Variants in KCTD1 observed in about 807,000 individuals in gnomAD.
KCTD1 encodes BTB/POZ domain-containing protein KCTD1.
A neutral mutation model predicts 66.0 loss-of-function variants in KCTD1; 24 were observed. The ratio of observed to expected loss-of-function variants is 0.36; its 90% CI spans 0.26 to 0.51. The LOEUF (loss-of-function observed/expected upper bound fraction) is 0.51, where lower values mean the gene tolerates loss of function less well. Ranked by LOEUF, KCTD1 falls within the 20% of genes least tolerant of loss-of-function variation. The pLI, the probability that KCTD1 is intolerant of heterozygous loss-of-function variation, is 0.95. For missense variants in KCTD1, 943 were observed against 1,205.2 expected (o/e 0.78, Z 3.22); for synonymous variants, 511 against 517.2 (o/e 0.99, Z 0.16).
At chr18:26,633,726 C>T (rs1459310638), upstream of KCTD1, among the ~76,000 whole-genome samples, 3 of 152,082 alleles carry the variant, frequency 2.0e-5, no homozygotes, top group African/African-American at 7.2e-5. Flanking sequence ...AGCACAAAAG[C>T]AGAGAGTCAA....
At chr18:26,507,325 C>G (rs997437628) in intron 1 of KCTD1, among the ~76,000 whole-genome samples, 1 of 151,958 alleles carries the variant, frequency 6.6e-6, no homozygotes, top group Non-Finnish European at 1.5e-5. Context: ...CTTGAATTTC[C>G]CACTTCTGTG....
intron 1 of KCTD1, among the ~76,000 whole-genome samples, chr18:26,637,961 G>A (rs144786148): frequency 5.3e-5 from 8 of 152,292 alleles, no homozygotes; most frequent in African/African-American, 1.7e-4. Context: ...GACCGTCTTA[G>A]CAAGGAGAGT....
chr18:26,476,680 C>T lies in KCTD1; in HGVS notation c.1989-21G>A. On this transcript the variant is annotated intron_variant, in intron 2 of 4. Transcript: ENST00000580059. This position sits in a 1 kb window ranked among gnomAD's most constrained non-coding sequence, Gnocchi z 4.9. The stretch of plus-strand genomic sequence containing the variant: ...CGATTCTGTGATAGAAAAGAGGGAA[C>T]AGTGAAGACAATTAGATCAATTGTT... 2 of 1,608,014 alleles carry T rather than the reference C, an allele frequency of 1.2e-6. No homozygotes were observed. Among genetic ancestry groups the T allele is most frequent in the Non-Finnish European group, 1.7e-6 (2 of 1,177,390 alleles).
chr18:26,621,252 A>T (rs2145016982), intron 1 of KCTD1, among the ~76,000 whole-genome samples: 1 of 152,082 alleles, frequency 6.6e-6, no homozygotes, highest in Non-Finnish European at 1.5e-5. Flanking sequence ...CGTTTGGATG[A>T]ATGTGGTCGG....
chr18:26,640,584 T>G (rs974386475), upstream of KCTD1, among the ~76,000 whole-genome samples: 2 of 152,088 alleles, frequency 1.3e-5, no homozygotes, highest in African/African-American at 4.8e-5. Flanking sequence ...CACGTGTCTG[T>G]GTGTGTCCAG....
At chr18:26,574,239 C>T (rs995068846) in intron 1 of KCTD1, among the ~76,000 whole-genome samples, 8 of 152,212 alleles carry the variant, frequency 5.3e-5, no homozygotes, top group South Asian at 4.1e-4. Flanking sequence ...TAAACACATT[C>T]TCCTCTTTTA....
intron 1 of KCTD1, among the ~76,000 whole-genome samples, chr18:26,527,455 T>G (rs2144764618): frequency 6.9e-6 from 1 of 145,698 alleles, no homozygotes; most frequent in South Asian, 2.3e-4. Context: ...AAACACATTT[T>G]TATGTTTATG....
At chr18:26,617,728 T>C (rs189058923) in intron 1 of KCTD1, among the ~76,000 whole-genome samples, 1 of 151,968 alleles carries the variant, frequency 6.6e-6, no homozygotes, top group East Asian at 1.9e-4. Context: ...AAAAGTTGGA[T>C]AGAGAAATAA....
Position 26,603,686 on chromosome 18 carries a change from T to A in KCTD1, c.-16+25461A>T, listed in dbSNP as rs190894690. Among the ~76,000 whole-genome samples the A allele has an allele frequency of 3.0e-3, 458 of 151,812 alleles. 2 individuals carry two copies. Among genetic ancestry groups the A allele is most frequent in the African/African-American group, 0.011 (451 of 41,334 alleles). On this transcript the variant is annotated intron_variant, in intron 1 of 4. Coordinates refer to the KCTD1 transcript ENST00000317932. ...TGAACCTGGGAGGCAGAGGGTGCAG[T>A]GGGCCGAGATTGTGCCACTGCACTC...
At chr18:26,500,938 G>A (rs1278537033) in intron 2 of KCTD1, 134 bp downstream of exon 2, 7 of 869,564 alleles carry the variant, frequency 8.1e-6, no homozygotes, top group Non-Finnish European at 1.2e-5. Context: ...AGCCTAGGCA[G>A]CAGGGTGGCT....
At chr18:26,600,031 A>G in intron 1 of KCTD1, 1 of 1,611,538 alleles carries the variant, frequency 6.2e-7, no homozygotes, top group Non-Finnish European at 8.5e-7. Flanking sequence ...GGACGACAGC[A>G]TGGATCTCAT....
intron 1 of KCTD1, chr18:26,543,690 T>C (rs1434675138): frequency 6.6e-6 from 1 of 152,210 alleles, no homozygotes; most frequent in Non-Finnish European, 1.5e-5. Flanking sequence ...CCCCAAAATC[T>C]TTCCACTAAT....
chr18:26,485,234 C>T (rs1981854055), intron 2 of KCTD1, among the ~76,000 whole-genome samples: 1 of 152,156 alleles, frequency 6.6e-6, no homozygotes, highest in Non-Finnish European at 1.5e-5. Context: ...CTTGACACCT[C>T]CATGAGGTAG....
intron 1 of KCTD1, among the ~76,000 whole-genome samples, chr18:26,514,408 T>C (rs1983526524): frequency 6.6e-6 from 1 of 151,860 alleles, no homozygotes; most frequent in African/African-American, 2.4e-5. Flanking sequence ...AAAAACTGGC[T>C]GGGCGTAGTG....
intron 1 of KCTD1, among the ~76,000 whole-genome samples, chr18:26,576,826 TTTA>T (rs1368490826): frequency 2.6e-5 from 4 of 152,224 alleles, no homozygotes; most frequent in Non-Finnish European, 5.9e-5. Context: ...CATCTATGTA[TTTA>T]TTATTAAAAT....
intron 1 of KCTD1, among the ~76,000 whole-genome samples, chr18:26,625,450 T>C (rs1411541007): frequency 6.6e-6 from 1 of 152,144 alleles, no homozygotes; most frequent in African/African-American, 2.4e-5. Context: ...TCTCATGAGA[T>C]CTGATGGTTT....
chr18:26,475,500 T>C (rs1981295978), intron 3 of KCTD1, among the ~76,000 whole-genome samples: 1 of 152,208 alleles, frequency 6.6e-6, no homozygotes, highest in Non-Finnish European at 1.5e-5. Flanking sequence ...GGTGTTATAA[T>C]TTTTGTTGTA....
chr18:26,487,079 C>A (rs984242051), intron 2 of KCTD1, among the ~76,000 whole-genome samples: 4 of 152,132 alleles, frequency 2.6e-5, no homozygotes, highest in Admixed American at 6.5e-5. Context: ...CCCACCTTAC[C>A]CCTCCATACT....
intron 1 of KCTD1, among the ~76,000 whole-genome samples, chr18:26,593,676 T>TGAG (rs142671705): frequency 0.054 from 1,836 of 33,716 alleles, 147 homozygotes; most frequent in Non-Finnish European, 0.07. Flanking sequence ...AGGAGGAAGA[T>TGAG]GAGGAGGAGG....
Sources: gnomAD v4.1 joint callset for allele counts (sites outside exome capture counted in the v4.1 genomes callset) on GRCh38, gnomAD v4.1.1 for gene constraint, Gnocchi (gnomAD v3.1) non-coding constraint, MANE v1.5 for transcripts, NCBI Gene and HGNC (gene_info 2026-07-23, HGNC 2026-07-21) for gene names.